Variants in CEMIP observed in about 807,000 individuals in gnomAD.
CEMIP encodes cell migration inducing hyaluronidase 1.
In CEMIP, 105 loss-of-function variants were observed where a neutral mutation model predicts 156.9. That is an observed-to-expected ratio of 0.67 (90% CI 0.57 to 0.79). The LOEUF (loss-of-function observed/expected upper bound fraction) is 0.79, where lower values mean the gene tolerates loss of function less well. Among genes scored for constraint, CEMIP ranks in the 30% least tolerant of loss-of-function variants. The pLI is 0.00. For synonymous variants in CEMIP, 676 were observed against 668.4 expected (o/e 1.01, Z -0.17); for missense variants, 1,457 against 1,769.4 (o/e 0.82, Z 3.17).
chr15:80,936,550 A>G (rs1901127539), intron 23 of CEMIP, 124 bp from the exon 24 acceptor site: 2 of 871,098 alleles, frequency 2.3e-6, no homozygotes, highest in Non-Finnish European at 3.9e-6. Flanking sequence ...AAGCCTTCTA[A>G]AAAGGGTTCT....
intron 1 of CEMIP, among the ~76,000 whole-genome samples, chr15:80,827,894 A>G (rs1897074527): frequency 1.3e-5 from 2 of 152,186 alleles, no homozygotes; most frequent in Admixed American, 6.5e-5. Flanking sequence ...TAGCAAATCT[A>G]AATTATCCCC....
At chr15:80,830,875 T>C (rs1897141844) in intron 1 of CEMIP, among the ~76,000 whole-genome samples, 1 of 152,068 alleles carries the variant, frequency 6.6e-6, no homozygotes, top group South Asian at 2.1e-4. Context: ...TGAGGCTCAG[T>C]TTCCATACCT....
At chr15:80,798,043 T>C (rs1044797549) in intron 1 of CEMIP, among the ~76,000 whole-genome samples, 4 of 152,204 alleles carry the variant, frequency 2.6e-5, no homozygotes, top group Non-Finnish European at 5.9e-5. Context: ...TTATTACTTT[T>C]TAAAAAAGAA....
At chr15:80,844,603 C>T (rs911802688) in intron 1 of CEMIP, among the ~76,000 whole-genome samples, 1 of 152,198 alleles carries the variant, frequency 6.6e-6, no homozygotes, top group Non-Finnish European at 1.5e-5. Flanking sequence ...AGCTGGGGCT[C>T]TTGTCAGCCA....
intron 28 of CEMIP, among the ~76,000 whole-genome samples, chr15:80,943,983 C>T (rs1263934330): frequency 6.6e-6 from 1 of 152,172 alleles, no homozygotes; most frequent in East Asian, 1.9e-4. Context: ...CGATCCAACC[C>T]AAAAGTTCTA....
chr15:80,846,364 G>A (rs760610703), intron 1 of CEMIP, among the ~76,000 whole-genome samples: 8 of 152,122 alleles, frequency 5.3e-5, no homozygotes, highest in South Asian at 4.2e-4. Flanking sequence ...CAGATAGCCC[G>A]AGACAGGCTT....
chr15:80,779,486 A>G lies in CEMIP; in HGVS notation c.-304A>G, dbSNP rs1895733935. 2 of 152,152 alleles carry G rather than the reference A, an allele frequency of 1.3e-5. No homozygotes were observed. The highest frequency in any genetic ancestry group is 1.3e-4 in the Admixed American group (2 of 15,280). 9.4% of individuals were successfully genotyped at this position (152,152 alleles called of 1,614,324 possible). A position where few individuals can be genotyped will look rare whatever the true frequency, so the allele number is the denominator to read the frequency against. On this transcript the variant is annotated 5_prime_UTR_variant, in exon 1 of 30. Transcript: ENST00000394685. Reference sequence around the variant, plus strand: ...GCCAGGGTCTGAACCCAGATTTCCCAGACTAGCTACCACTCCGCTTGCCCA... The same window carrying G: ...GCCAGGGTCTGAACCCAGATTTCCCGGACTAGCTACCACTCCGCTTGCCCA...
intron 1 of CEMIP, among the ~76,000 whole-genome samples, chr15:80,840,232 A>G (rs1357728163): frequency 6.6e-6 from 1 of 152,136 alleles, no homozygotes; most frequent in Non-Finnish European, 1.5e-5. Flanking sequence ...AGTGTGATAG[A>G]GGAGAGGGAA....
At chr15:80,902,902 C>T (rs1899631181) in intron 12 of CEMIP, among the ~76,000 whole-genome samples, 1 of 152,198 alleles carries the variant, frequency 6.6e-6, no homozygotes, top group South Asian at 2.1e-4. Flanking sequence ...CTAAGCACAG[C>T]CCATGGATTA....
At chr15:80,785,440 G>A (rs192948053) in intron 1 of CEMIP, among the ~76,000 whole-genome samples, 3 of 152,284 alleles carry the variant, frequency 2.0e-5, no homozygotes, top group African/African-American at 4.8e-5. Context: ...GTCACCCACC[G>A]CCACAATCGG....
intron 1 of CEMIP, among the ~76,000 whole-genome samples, chr15:80,865,049 G>A (rs1038579466): frequency 1.3e-5 from 2 of 152,176 alleles, no homozygotes; most frequent in Non-Finnish European, 2.9e-5. Flanking sequence ...GCTCAGAGCT[G>A]TTCCATAGAA....
chr15:80,878,796 A>C lies in CEMIP; in HGVS notation c.170A>C (p.His57Pro), dbSNP rs1898551651. 6.2e-7 allele frequency: 1 copy of C among 1,614,164 alleles called. No individual in the cohort carries two copies. The highest frequency in any genetic ancestry group is 1.3e-5 in the African/African-American group (1 of 75,052). ...GGCCATGACCAAGACCACCATGTGCATATCGGCCAGGGCAAGACACTGCTG... is the reference window on the plus strand; with the variant it reads ...GGCCATGACCAAGACCACCATGTGCCTATCGGCCAGGGCAAGACACTGCTG... Reference protein sequence around the residue: ...NPGHDQDHHVHIGQGKTLLLT... With the variant: ...NPGHDQDHHVPIGQGKTLLLT... The change falls in exon 4 of 30, where the codon CAT becomes CCT. Residue 57 changes from histidine to proline, a missense_variant. By Grantham distance (77) the His-to-Pro change is moderately conservative. Around this residue, in one of 5 missense-constraint regions of CEMIP, gnomAD observed 309 missense variants for 340.8 expected, o/e 0.91. Coordinates refer to ENST00000394685, the MANE Select transcript of CEMIP (RefSeq NM_001293298.2).
intron 1 of CEMIP, among the ~76,000 whole-genome samples, chr15:80,785,646 G>C (rs1895916140): frequency 1.3e-5 from 2 of 152,292 alleles, no homozygotes; most frequent in South Asian, 4.1e-4. Context: ...GAGGAGTGGA[G>C]GGCGTGAGAC....
intron 1 of CEMIP, among the ~76,000 whole-genome samples, chr15:80,846,707 A>G (rs371856615): frequency 5.9e-5 from 9 of 152,370 alleles, no homozygotes; most frequent in East Asian, 1.9e-4. Flanking sequence ...TAGGTGGGGC[A>G]GGATTTGAGT....
intron 24 of CEMIP, 130 bp downstream of exon 24, chr15:80,937,015 T>G: frequency 1.2e-6 from 1 of 862,122 alleles, no homozygotes; most frequent in Non-Finnish European, 1.9e-6. Flanking sequence ...CCTAGAGGGG[T>G]TGACATCACC....
chr15:80,884,115 G>C (rs1898753554), intron 6 of CEMIP, 60 bp from the exon 7 acceptor site: 3 of 1,542,056 alleles, frequency 1.9e-6, no homozygotes, highest in Admixed American at 1.7e-5. Flanking sequence ...CATGTGCTTA[G>C]AGCTCTTTGT....
At position 80,881,911 on chromosome 15, in the gene CEMIP, T is replaced by A. The variant is rs929351273; in HGVS notation, c.617+775T>A. 3.9e-5 allele frequency among the ~76,000 whole-genome samples: 6 copies of A among 152,022 alleles called. No individual in the cohort carries two copies. In the South Asian group the frequency reaches 6.2e-4, roughly 16 times the overall value. On this transcript the variant is annotated intron_variant, in intron 6 of 29. Coordinates refer to ENST00000394685, the MANE Select transcript of CEMIP (RefSeq NM_001293298.2). ...GCGGCTAGTGGATGTACCTGAGAGA[T>A]GTTTGGAAGGCAGCATGGGCAGGTG...
Position 80,909,150 on chromosome 15 carries a change from G to T in CEMIP, c.1641G>T (p.Met547Ile), listed in dbSNP as rs753850507. Residue 547 changes from methionine (M) to isoleucine (I), a missense_variant, in exon 14 of 30, where the codon ATG becomes ATT. Met to Ile is a conservative substitution (Grantham distance 10). Transcript: ENST00000394685. ...AHLEGTELKH[M>I]GQQLVGQYPI... is the part of the protein sequence containing the mutation. Reference sequence around the variant, plus strand: ...TGGAGGGCACGGAGCTGAAGCATATGGGACAGCAGCTGGTGGGTCAGTACC... The same window carrying T: ...TGGAGGGCACGGAGCTGAAGCATATTGGACAGCAGCTGGTGGGTCAGTACC... The T allele has an allele frequency of 4.3e-6, 7 of 1,614,186 alleles. No homozygotes were observed. Among genetic ancestry groups the T allele is most frequent in the Non-Finnish European group, 5.9e-6 (7 of 1,180,034 alleles).
At chr15:80,840,309 G>C (rs977718176) in intron 1 of CEMIP, among the ~76,000 whole-genome samples, 2 of 152,118 alleles carry the variant, frequency 1.3e-5, no homozygotes, top group East Asian at 3.9e-4. Flanking sequence ...ATGGAGGGTG[G>C]GGACGAGTCA....
Sources: gnomAD v4.1 joint callset for allele counts (sites outside exome capture counted in the v4.1 genomes callset) on GRCh38, gnomAD v4.1.1 for gene constraint, gnomAD v4.1.1 regional missense constraint, MANE v1.5 for transcripts, NCBI Gene and HGNC (gene_info 2026-07-23, HGNC 2026-07-21) for gene names.